The following EIF2AK2 variants were observed in gnomAD, a reference collection of about 807,000 sequenced individuals.
EIF2AK2 encodes the protein eukaryotic translation initiation factor 2 alpha kinase 2, also known as interferon-induced, double-stranded RNA-activated protein kinase.
A neutral mutation model predicts 70.5 loss-of-function variants in EIF2AK2; 40 were observed. The ratio of observed to expected loss-of-function variants is 0.57; its 90% CI spans 0.44 to 0.74. The LOEUF (loss-of-function observed/expected upper bound fraction) is 0.74, where lower values mean the gene tolerates loss of function less well. Ranked by LOEUF, EIF2AK2 falls within the 30% of genes least tolerant of loss-of-function variation. EIF2AK2 has a pLI of 0.00. For missense variants in EIF2AK2, 555 were observed against 644.3 expected (o/e 0.86, Z 1.50); for synonymous variants, 198 against 220.9 (o/e 0.90, Z 0.92).
intron 1 of EIF2AK2, among the ~76,000 whole-genome samples, chr2:37,151,041 A>C (rs1315685429): frequency 6.6e-6 from 1 of 152,226 alleles, no homozygotes; most frequent in Non-Finnish European, 1.5e-5. Context: ...GGATTTGGTG[A>C]TAAAATTTTA....
At position 37,138,726 on chromosome 2, in the gene EIF2AK2, T is replaced by A. The variant is rs920630085; in HGVS notation, c.517-141A>T. ...TAAACAATTACAAGATTAATAACAT[T>A]TTTTGGATGTTTGGTCTGGATTTTA... On this transcript the variant is annotated intron_variant, in intron 6 of 16. Transcript: ENST00000233057. The A allele has an allele frequency of 7.3e-6, 5 of 688,202 alleles. No individual in the cohort carries two copies. In the African/African-American group the frequency reaches 9.2e-5, roughly 13 times the overall value. The allele number at this position is 688,202 out of a possible 1,614,324, so 42.6% of individuals were successfully genotyped here.
At chr2:37,139,499 T>C in intron 6 of EIF2AK2, 132 bp downstream of exon 6, 1 of 1,305,874 alleles carries the variant, frequency 7.7e-7, no homozygotes, top group South Asian at 1.4e-5. Flanking sequence ...GGCTCATCGG[T>C]ACGACACAGA....
chr2:37,101,582 GA>G lies in EIF2AK2; in HGVS notation c.*5690del, dbSNP rs1399195610. ...CATCACCTATGGAGTATTCTTGGGG[GA>G]AAATAAATGAACCAGGATCAAATCC... On this transcript the variant is annotated 3_prime_UTR_variant, in exon 17 of 17. Transcript: ENST00000233057. 1 of 152,136 alleles carries G rather than the reference GA, an allele frequency of 6.6e-6. No homozygotes were observed. Among genetic ancestry groups the G allele is most frequent in the Admixed American group, 6.5e-5 (1 of 15,270 alleles). The allele number at this position is 152,136 out of a possible 1,614,324, so 9.4% of individuals were successfully genotyped here. A position where few individuals can be genotyped will look rare whatever the true frequency, so the allele number is the denominator to read the frequency against.
At chr2:37,147,427 G>A (rs1054052108) in intron 3 of EIF2AK2, among the ~76,000 whole-genome samples, 23 of 149,316 alleles carry the variant, frequency 1.5e-4, no homozygotes, top group African/African-American at 4.2e-4. Context: ...TCGTCATTTA[G>A]CATTAGGTAT....
chr2:37,139,242 G>T (rs1454553275), intron 6 of EIF2AK2, among the ~76,000 whole-genome samples: 1 of 151,372 alleles, frequency 6.6e-6, no homozygotes, highest in Non-Finnish European at 1.5e-5. Context: ...TTGAACATGG[G>T]AGGCGGAGGT....
At chr2:37,136,907 A>C (rs1171118562) in intron 9 of EIF2AK2, 76 bp downstream of exon 9, 1 of 1,337,030 alleles carries the variant, frequency 7.5e-7, no homozygotes, top group Admixed American at 2.3e-5. Context: ...ACAATACTCT[A>C]CAAGTATTAA....
At chr2:37,116,914 T>C (rs915813006) in intron 13 of EIF2AK2, among the ~76,000 whole-genome samples, 10 of 152,010 alleles carry the variant, frequency 6.6e-5, no homozygotes, top group African/African-American at 2.4e-4. Context: ...TTGTAGTTCA[T>C]TCAAAAGAAA....
intron 16 of EIF2AK2, 21 bp from the exon 17 acceptor site, chr2:37,107,416 A>G (rs1181826335): frequency 1.2e-6 from 2 of 1,610,434 alleles, no homozygotes; most frequent in Non-Finnish European, 1.7e-6. Context: ...AGTGAGAGTC[A>G]ATAGTAAGAA....
intron 14 of EIF2AK2, among the ~76,000 whole-genome samples, 155 bp downstream of exon 14, chr2:37,114,576 T>C (rs1674270114): frequency 6.6e-6 from 1 of 152,112 alleles, no homozygotes. Flanking sequence ...GGATAAAGAA[T>C]AAACTGATAA....
intron 3 of EIF2AK2, 33 bp from the exon 4 acceptor site, chr2:37,147,006 T>A: frequency 6.3e-7 from 1 of 1,590,064 alleles, no homozygotes; most frequent in Non-Finnish European, 8.6e-7. Context: ...TAAAATATTA[T>A]ACAACTCATG....
At chr2:37,111,945 A>C (rs535001678) in intron 14 of EIF2AK2, among the ~76,000 whole-genome samples, 1,693 of 141,114 alleles carry the variant, frequency 0.012, 45 homozygotes, top group African/African-American at 0.042. Context: ...CTCTCTATAT[A>C]TATATATATA....
At chr2:37,155,950 A>AAAAAAAAAAAAG (rs10638880) in intron 1 of EIF2AK2, among the ~76,000 whole-genome samples, 2 of 138,976 alleles carry the variant, frequency 1.4e-5, no homozygotes, top group African/African-American at 2.7e-5. Flanking sequence ...AAAAAAAAAA[A>AAAAAAAAAAAAG]AAAAGAAAAG....
intron 14 of EIF2AK2, among the ~76,000 whole-genome samples, chr2:37,109,654 A>G (rs537843242): frequency 2.9e-4 from 44 of 152,346 alleles, no homozygotes; most frequent in Middle Eastern, 6.8e-3. Context: ...ACAATATTCC[A>G]TAACTGGAAA....
rs1345131610 is a variant in EIF2AK2 at position 37,103,212 on chromosome 2, T to G, written c.*4061A>C. ...TATCTTTTTTTTTCTTTTTTTTTTT[T>G]GAGACTGAGTTTTGCTCTTGTCACC... On this transcript the variant is annotated 3_prime_UTR_variant, in exon 17 of 17. Coordinates refer to ENST00000233057, the MANE Select transcript of EIF2AK2 (RefSeq NM_001135651.3). 1 of 151,852 alleles carries G rather than the reference T, an allele frequency of 6.6e-6. No individual in the cohort carries two copies. Among genetic ancestry groups the G allele is most frequent in the Non-Finnish European group, 1.5e-5 (1 of 68,032 alleles). 9.4% of individuals were successfully genotyped at this position (151,852 alleles called of 1,614,324 possible).
intron 15 of EIF2AK2, among the ~76,000 whole-genome samples, chr2:37,108,898 C>A (rs1226714380): frequency 2.6e-5 from 4 of 152,154 alleles, no homozygotes; most frequent in African/African-American, 7.2e-5. Flanking sequence ...ACCCTTACAG[C>A]ACTTAGCACA....
intron 10 of EIF2AK2, 29 bp downstream of exon 10, chr2:37,135,452 CCTT>C (rs763503134): frequency 1.0e-5 from 16 of 1,564,178 alleles, no homozygotes; most frequent in African/African-American, 9.6e-5. Flanking sequence ...CAGCATTACC[CCTT>C]CTTCTTTCTT....
intron 1 of EIF2AK2, among the ~76,000 whole-genome samples, chr2:37,152,065 T>C (rs1438968709): frequency 6.6e-6 from 1 of 152,086 alleles, no homozygotes; most frequent in Non-Finnish European, 1.5e-5. Flanking sequence ...AGACTCCATC[T>C]CAAAAAACAA....
chr2:37,109,921 G>A (rs1359149785), intron 14 of EIF2AK2, among the ~76,000 whole-genome samples: 1 of 152,178 alleles, frequency 6.6e-6, no homozygotes, highest in Non-Finnish European at 1.5e-5. Flanking sequence ...TCAGTGGGGA[G>A]GAGGCACTGA....
intron 1 of EIF2AK2, among the ~76,000 whole-genome samples, chr2:37,156,011 T>C (rs1675909799): frequency 6.7e-6 from 1 of 149,378 alleles, no homozygotes; most frequent in Non-Finnish European, 1.5e-5. Context: ...ACAACCGAAG[T>C]AGTGGAAGGG....
Sources: allele counts gnomAD v4.1 joint callset (sites outside exome capture counted in the v4.1 genomes callset), GRCh38; gene constraint gnomAD v4.1.1; transcripts MANE v1.5; gene names NCBI Gene and HGNC (gene_info 2026-07-23, HGNC 2026-07-21).